Variants in CYP19A1 observed in about 807,000 individuals in gnomAD.
CYP19A1 encodes the protein aromatase.
Under a neutral mutation model 44.4 loss-of-function variants are expected in CYP19A1, and 32 were observed. That is an observed-to-expected ratio of 0.72 (90% CI 0.54 to 0.97). The LOEUF (loss-of-function observed/expected upper bound fraction) is 0.97, where lower values mean the gene tolerates loss of function less well. CYP19A1 is among the 50% of genes least tolerant of loss of function. The pLI is 0.00. For missense variants in CYP19A1, 598 were observed against 637.8 expected, an observed-to-expected ratio of 0.94 and a Z score of 0.67; for synonymous variants, 212 against 215.6, an observed-to-expected ratio of 0.98 and a Z score of 0.14.
chr15:51,322,563 A>C (rs979624573), intron 1 of CYP19A1, among the ~76,000 whole-genome samples: 6 of 152,184 alleles, frequency 3.9e-5, no homozygotes, highest in African/African-American at 1.4e-4. Flanking sequence ...ACCACCTCCA[A>C]TATATAAAAT....
At chr15:51,286,118 A>G (rs138037510) in intron 1 of CYP19A1, among the ~76,000 whole-genome samples, 1 of 152,124 alleles carries the variant, frequency 6.6e-6, no homozygotes, top group African/African-American at 2.4e-5. Flanking sequence ...TCTCACCCGC[A>G]ATGGGCCTGA....
chr15:51,266,515 T>C (rs2034924717), intron 1 of CYP19A1, among the ~76,000 whole-genome samples: 1 of 152,242 alleles, frequency 6.6e-6, no homozygotes, highest in African/African-American at 2.4e-5. Flanking sequence ...CTGCCAGTCC[T>C]TCTTCAAACC....
chr15:51,311,064 T>C (rs1290412830), intron 1 of CYP19A1, among the ~76,000 whole-genome samples: 1 of 152,116 alleles, frequency 6.6e-6, no homozygotes, highest in African/African-American at 2.4e-5. Flanking sequence ...TCTCATAGTA[T>C]ACTATATGAA....
chr15:51,212,187 G>C lies in CYP19A1; in HGVS notation c.1263+133C>G. 1.7e-5 allele frequency: 13 copies of C among 775,042 alleles called. No individual in the cohort carries two copies. In the South Asian group the frequency reaches 1.8e-4, roughly 11 times the overall value. 48.0% of individuals were successfully genotyped at this position (775,042 alleles called of 1,614,324 possible). A position where few individuals can be genotyped will look rare whatever the true frequency, so the allele number is the denominator to read the frequency against. ...CTGCTCCAAGCTAGGGGACGTGTGT[G>C]CTCCTGGTGAGGTGGCAGAGGGAAT... is the stretch of plus-strand genomic sequence containing the variant. On this transcript the variant is annotated intron_variant, in intron 9 of 9. Transcript: ENST00000396402.
intron 1 of CYP19A1, among the ~76,000 whole-genome samples, chr15:51,305,857 C>T (rs2036206962): frequency 6.6e-6 from 1 of 152,076 alleles, no homozygotes; most frequent in South Asian, 2.1e-4. Context: ...CACTGCGCGC[C>T]ACCTTGTATT....
chr15:51,338,319 CACG>C (rs574576252), intron 1 of CYP19A1, 173 bp downstream of exon 1: 1 of 152,164 alleles, frequency 6.6e-6, no homozygotes, highest in Non-Finnish European at 1.5e-5. Context: ...GCTCTCACAC[CACG>C]ACAACAGTCA....
chr15:51,294,725 GC>G (rs1246347245), intron 1 of CYP19A1, among the ~76,000 whole-genome samples: 2 of 148,194 alleles, frequency 1.3e-5, no homozygotes, highest in African/African-American at 2.5e-5. Context: ...CTGGCCAGCC[GC>G]CCCCCGGGAG....
At chr15:51,275,912 G>C (rs1566907398) in intron 1 of CYP19A1, among the ~76,000 whole-genome samples, 1 of 152,158 alleles carries the variant, frequency 6.6e-6, no homozygotes, top group African/African-American at 2.4e-5. Context: ...GCTAGCTGCT[G>C]TGTCCCCCCG....
At chr15:51,241,281 C>G (rs56097510) in intron 2 of CYP19A1, among the ~76,000 whole-genome samples, 60,515 of 152,130 alleles carry the variant, frequency 0.4, 13,349 homozygotes, top group Non-Finnish European at 0.51. Flanking sequence ...TCTGCGGGGA[C>G]TTTTTAAAAA....
chr15:51,297,389 C>T (rs1255766935), intron 1 of CYP19A1, among the ~76,000 whole-genome samples: 9 of 152,164 alleles, frequency 5.9e-5, no homozygotes, highest in Admixed American at 5.9e-4. Flanking sequence ...CTAGGTCCAC[C>T]GGGGGAGACA....
At chr15:51,247,676 T>C (rs987782798) in intron 1 of CYP19A1, among the ~76,000 whole-genome samples, 1 of 152,150 alleles carries the variant, frequency 6.6e-6, no homozygotes, top group Admixed American at 6.5e-5. Flanking sequence ...GGTTTCACCA[T>C]GTTGGTCAGG....
chr15:51,301,270 G>C (rs2036105645), intron 1 of CYP19A1, among the ~76,000 whole-genome samples: 1 of 152,224 alleles, frequency 6.6e-6, no homozygotes, highest in African/African-American at 2.4e-5. Context: ...GATACCCTGA[G>C]ATTCTTTGTT....
intron 3 of CYP19A1, among the ~76,000 whole-genome samples, chr15:51,232,580 C>T (rs1015223188): frequency 1.3e-5 from 2 of 152,192 alleles, no homozygotes; most frequent in African/African-American, 2.4e-5. Flanking sequence ...AAACTTGCTC[C>T]ACCTATCTCA....
At chr15:51,247,583 T>G (rs2034119292) in intron 1 of CYP19A1, among the ~76,000 whole-genome samples, 1 of 152,118 alleles carries the variant, frequency 6.6e-6, no homozygotes, top group Admixed American at 6.6e-5. Flanking sequence ...AGCGATTCTC[T>G]TGCCTCAGTT....
intron 1 of CYP19A1, among the ~76,000 whole-genome samples, chr15:51,274,677 T>G (rs1491001482): frequency 6.6e-6 from 1 of 152,164 alleles, no homozygotes; most frequent in Non-Finnish European, 1.5e-5. Flanking sequence ...GGTGTCTGAG[T>G]GATGGAAGGA....
chr15:51,245,496 G>A (rs1447987084), intron 1 of CYP19A1, among the ~76,000 whole-genome samples: 2 of 152,074 alleles, frequency 1.3e-5, no homozygotes, highest in African/African-American at 4.8e-5. Flanking sequence ...AAAAGCAATG[G>A]CAACAAAAGA....
chr15:51,294,566 CGT>C (rs2035936521), intron 1 of CYP19A1, among the ~76,000 whole-genome samples: 1 of 146,834 alleles, frequency 6.8e-6, no homozygotes. Context: ...GCAGCCGCCC[CGT>C]CCGGGAGGGA....
intron 1 of CYP19A1, among the ~76,000 whole-genome samples, chr15:51,256,086 A>C (rs1012807136): frequency 6.6e-6 from 1 of 152,242 alleles, no homozygotes; most frequent in Non-Finnish European, 1.5e-5. Flanking sequence ...GGCAAGGCAG[A>C]GTATCTTTAT....
At chr15:51,284,143 C>T (rs1249968312) in intron 1 of CYP19A1, among the ~76,000 whole-genome samples, 1 of 152,184 alleles carries the variant, frequency 6.6e-6, no homozygotes, top group Non-Finnish European at 1.5e-5. Flanking sequence ...GTTGCTGCTG[C>T]TACCCTAAAC....
Sources: allele counts gnomAD v4.1 joint callset (sites outside exome capture counted in the v4.1 genomes callset), GRCh38; gene constraint gnomAD v4.1.1; transcripts MANE v1.5; gene names NCBI Gene and HGNC (gene_info 2026-07-23, HGNC 2026-07-21).